Variants in SLC16A7 observed in about 807,000 individuals in gnomAD.
SLC16A7 encodes the protein solute carrier family 16 member 7.
SLC16A7 carries 33 observed loss-of-function variants against 34.9 expected under a neutral mutation model. The observed-to-expected ratio is 0.94, with a 90% CI of 0.72 to 1.26. The LOEUF is 1.26. Ranked by LOEUF, SLC16A7 falls within the 50% of genes most tolerant of loss-of-function variation. The probability of loss-of-function intolerance (pLI) is 0.00; values close to 1 mark genes in which losing one functional copy is unlikely to be tolerated. For synonymous variants in SLC16A7, 201 were observed against 206.6 expected, an observed-to-expected ratio of 0.97 and a Z score of 0.23; for missense variants, 573 against 578.1, an observed-to-expected ratio of 0.99 and a Z score of 0.09.
At chr12:59,733,978 A>T (rs538016785) in intron 3 of SLC16A7, 1 of 372,402 alleles carries the variant, frequency 2.7e-6, no homozygotes, top group African/African-American at 2.1e-5. Context: ...GAGGAAGTGC[A>T]TGCTGATTGG....
intron 3 of SLC16A7, among the ~76,000 whole-genome samples, chr12:59,729,156 G>A (rs1876638581): frequency 6.6e-6 from 1 of 152,190 alleles, no homozygotes; most frequent in African/African-American, 2.4e-5. Context: ...GCATAATTGA[G>A]TTAATAAGTA....
At position 59,715,465 on chromosome 12, in the gene SLC16A7, T is replaced by C. The variant is rs138709446; in HGVS notation, c.217+10447T>C. 1.4e-3 allele frequency among the ~76,000 whole-genome samples: 212 copies of C among 152,314 alleles called. 1 individual carries two copies. Among genetic ancestry groups the C allele is most frequent in the Middle Eastern group, 6.8e-3 (2 of 294 alleles). ...ACCAAACAGCACTTCAGCATTATGC[T>C]TTGAGGCCATTTTAAACAGAAGAAT... is the stretch of plus-strand genomic sequence containing the variant. On this transcript the variant is annotated intron_variant, in intron 3 of 5. Transcript: ENST00000547379.
chr12:59,658,666 T>C (rs1027938745), intron 2 of SLC16A7, among the ~76,000 whole-genome samples: 1 of 152,028 alleles, frequency 6.6e-6, no homozygotes, highest in Non-Finnish European at 1.5e-5. Flanking sequence ...ATATTCTCCC[T>C]AATATTCCAC....
At chr12:59,704,722 A>C in intron 2 of SLC16A7, 50 bp from the exon 3 acceptor site, 1 of 960,390 alleles carries the variant, frequency 1.0e-6, no homozygotes, top group Non-Finnish European at 1.6e-6. Context: ...AAGAGTGGTA[A>C]ACAAAAGGGG....
chr12:59,775,266 A>G lies in SLC16A7; in HGVS notation c.971A>G (p.Asn324Ser), dbSNP rs772082308. 2.5e-5 allele frequency: 41 copies of G among 1,614,040 alleles called. No individual in the cohort carries two copies. The highest frequency in any genetic ancestry group is 3.1e-5 in the Non-Finnish European group (37 of 1,180,022). The change falls in exon 5 of 6, where the codon AAT becomes AGT. Residue 324 changes from asparagine to serine, a missense_variant. Asn to Ser is a conservative substitution (Grantham distance 46). Coordinates refer to ENST00000547379, the MANE Select transcript of SLC16A7 (RefSeq NM_001270623.2). The part of the protein sequence containing the change: ...QYFFSFAIMF[N>S]GVCHLLCPLA... ...TTCTTCAGTTTTGCAATCATGTTCA[A>G]TGGAGTGTGTCACCTCTTGTGCCCA...
chr12:59,692,370 C>A (rs1157009798), intron 2 of SLC16A7, among the ~76,000 whole-genome samples: 1 of 151,998 alleles, frequency 6.6e-6, no homozygotes, highest in African/African-American at 2.4e-5. Context: ...CAGACATGGA[C>A]ATAGCTGGCA....
Position 59,642,186 on chromosome 12 carries a change from C to T in SLC16A7, c.-129-12966C>T, listed in dbSNP as rs145775188. Reference sequence around the variant, plus strand: ...ATTTGCTCTGTTAGCATTTCCTGTACAGATTCATTATCCTTTGTTTCCGTG... The same window carrying T: ...ATTTGCTCTGTTAGCATTTCCTGTATAGATTCATTATCCTTTGTTTCCGTG... On this transcript the variant is annotated intron_variant, in intron 1 of 5. Transcript: ENST00000547379. Among the ~76,000 whole-genome samples the T allele has an allele frequency of 6.0e-3, 906 of 152,092 alleles. 12 individuals carry two copies. Among genetic ancestry groups the T allele is most frequent in the African/African-American group, 0.02 (838 of 41,540 alleles).
chr12:59,612,144 C>T (rs1218063332), intron 1 of SLC16A7, among the ~76,000 whole-genome samples: 7 of 152,232 alleles, frequency 4.6e-5, no homozygotes, highest in African/African-American at 1.7e-4. Context: ...CAGAGTTTCT[C>T]CATGAGGGCC....
In SLC16A7 at chr12:59,699,788, G is replaced by C. The variant is rs142497278; in HGVS notation, c.-30-4984G>C. Among the ~76,000 whole-genome samples, 20 of 151,848 alleles carry C rather than the reference G, an allele frequency of 1.3e-4. 1 individual carries two copies. The highest frequency in any genetic ancestry group is 6.8e-3 in the Middle Eastern group (2 of 294). ...CACAGCACTTTTGCAATCATTTGCT[G>C]ACATGCACAGAACAGCAAAAAAATT... is the stretch of plus-strand genomic sequence containing the variant. On this transcript the variant is annotated intron_variant, in intron 2 of 5. Transcript: ENST00000547379.
At chr12:59,678,656 A>G (rs890631669) in intron 2 of SLC16A7, among the ~76,000 whole-genome samples, 9 of 152,098 alleles carry the variant, frequency 5.9e-5, no homozygotes, top group African/African-American at 2.2e-4. Context: ...AGCCACGGGT[A>G]GGCATGGGAA....
intron 4 of SLC16A7, among the ~76,000 whole-genome samples, chr12:59,773,419 C>A (rs1415804080): frequency 6.6e-6 from 1 of 151,600 alleles, no homozygotes; most frequent in Non-Finnish European, 1.5e-5. Flanking sequence ...GAATACTTAA[C>A]CACCTTACAG....
rs989740412 is a variant in SLC16A7 at position 59,783,443 on chromosome 12, G to A, written c.*3764G>A. ...AACCAAAATTAAAACTCAGGTTTACGTAACCAGAAAGATCCCCGAGGTGTT... is the reference window on the plus strand; with the variant it reads ...AACCAAAATTAAAACTCAGGTTTACATAACCAGAAAGATCCCCGAGGTGTT... On this transcript the variant is annotated 3_prime_UTR_variant, in exon 6 of 6. Coordinates refer to ENST00000547379, the MANE Select transcript of SLC16A7 (RefSeq NM_001270623.2). The A allele has an allele frequency of 2.0e-5, 3 of 152,088 alleles. No individual in the cohort carries two copies. The highest frequency in any genetic ancestry group is 2.9e-5 in the Non-Finnish European group (2 of 68,036). 9.4% of individuals were successfully genotyped at this position (152,088 alleles called of 1,614,324 possible). A position where few individuals can be genotyped will look rare whatever the true frequency, so the allele number is the denominator to read the frequency against.
intron 3 of SLC16A7, among the ~76,000 whole-genome samples, chr12:59,758,259 A>G (rs1353359740): frequency 6.6e-6 from 1 of 152,170 alleles, no homozygotes; most frequent in Non-Finnish European, 1.5e-5. Context: ...TTACCACAGT[A>G]AAATAAATTT....
intron 2 of SLC16A7, among the ~76,000 whole-genome samples, chr12:59,704,214 A>G (rs1188541189): frequency 1.2e-4 from 17 of 140,668 alleles, no homozygotes; most frequent in Admixed American, 2.8e-4. Context: ...AAAAAAAAAA[A>G]AAAAGAAAAA....
intron 3 of SLC16A7, chr12:59,734,054 C>T (rs1877289034): frequency 3.5e-6 from 1 of 288,236 alleles, no homozygotes; most frequent in African/African-American, 2.2e-5. Context: ...CTACAGACTA[C>T]CCAGAACTGA....
At chr12:59,712,783 T>G (rs981126578) in intron 3 of SLC16A7, among the ~76,000 whole-genome samples, 1 of 152,178 alleles carries the variant, frequency 6.6e-6, no homozygotes, top group Non-Finnish European at 1.5e-5. Context: ...CAATCAGTTT[T>G]GTCATGTGAT....
intron 2 of SLC16A7, among the ~76,000 whole-genome samples, chr12:59,674,443 A>G (rs868600280): frequency 2.0e-5 from 3 of 152,298 alleles, no homozygotes; most frequent in African/African-American, 4.8e-5. Flanking sequence ...AGAACTATTT[A>G]AGGTGACAGG....
chr12:59,698,899 A>G (rs1183081805), intron 2 of SLC16A7, among the ~76,000 whole-genome samples: 2 of 151,694 alleles, frequency 1.3e-5, no homozygotes, highest in Non-Finnish European at 3.0e-5. Flanking sequence ...ATACCTAATG[A>G]GTTAGAAGTT....
chr12:59,715,065 C>G (rs1004453805), intron 3 of SLC16A7, among the ~76,000 whole-genome samples: 1 of 152,134 alleles, frequency 6.6e-6, no homozygotes, highest in Non-Finnish European at 1.5e-5. Flanking sequence ...TCTGAGTACT[C>G]TCCTCCCTTT....
Sources: allele counts gnomAD v4.1 joint callset (sites outside exome capture counted in the v4.1 genomes callset), GRCh38; gene constraint gnomAD v4.1.1; transcripts MANE v1.5; gene names NCBI Gene and HGNC (gene_info 2026-07-23, HGNC 2026-07-21).